The following SCUBE1 variants were observed in gnomAD, a reference collection of about 807,000 sequenced individuals.
The protein encoded by SCUBE1 is signal peptide, CUB and EGF-like domain-containing protein 1.
Under a neutral mutation model 124.4 loss-of-function variants are expected in SCUBE1, and 59 were observed. That is an observed-to-expected ratio of 0.47 (90% CI 0.38 to 0.59). The LOEUF (loss-of-function observed/expected upper bound fraction) is 0.59. SCUBE1 is among the 20% of genes least tolerant of loss of function. The probability of loss-of-function intolerance (pLI) is 0.00; values close to 1 mark genes in which losing one functional copy is unlikely to be tolerated. For synonymous variants in SCUBE1, 545 were observed against 550.9 expected, an observed-to-expected ratio of 0.99 and a Z score of 0.15; for missense variants, 1,150 against 1,371.2, an observed-to-expected ratio of 0.84 and a Z score of 2.55.
At chr22:43,244,559 G>A (rs769294329) in intron 6 of SCUBE1, among the ~76,000 whole-genome samples, 6 of 152,254 alleles carry the variant, frequency 3.9e-5, no homozygotes, top group Non-Finnish European at 7.3e-5. Flanking sequence ...ACTGAAGGGC[G>A]AATGTGCCCC....
chr22:43,301,583 GCT>G (rs1925773986), intron 3 of SCUBE1, among the ~76,000 whole-genome samples: 1 of 152,108 alleles, frequency 6.6e-6, no homozygotes, highest in Non-Finnish European at 1.5e-5. Flanking sequence ...TCCCAGAGAT[GCT>G]CTCTCTGACC....
At chr22:43,226,365 G>C (rs1922303584) in intron 10 of SCUBE1, among the ~76,000 whole-genome samples, 1 of 152,200 alleles carries the variant, frequency 6.6e-6, no homozygotes, top group Non-Finnish European at 1.5e-5. Context: ...CTCTGGGTGG[G>C]TGATGGGGCA....
intron 4 of SCUBE1, among the ~76,000 whole-genome samples, chr22:43,281,461 A>AGCCACCCTCCTGTCACCTCCCTTG (rs1924861050): frequency 4.3e-5 from 2 of 46,476 alleles, no homozygotes; most frequent in Non-Finnish European, 6.8e-5. Flanking sequence ...CATCTCCCTC[A>AGCCACCCTCCTGTCACCTCCCTTG]GCCACCCTCC....
chr22:43,274,578 C>T (rs376840106), intron 4 of SCUBE1, among the ~76,000 whole-genome samples: 2 of 152,176 alleles, frequency 1.3e-5, no homozygotes, highest in Admixed American at 6.5e-5. Context: ...AGATGGAGGG[C>T]GCCCAGGCAT....
chr22:43,339,667 ATTCTCCTC>A, intron 1 of SCUBE1, among the ~76,000 whole-genome samples: 1 of 27,434 alleles, frequency 3.6e-5, no homozygotes, highest in Non-Finnish European at 6.8e-5. Context: ...GCCCTCCCCC[ATTCTCCTC>A]ACTCTATCCC....
At chr22:43,261,467 G>C (rs1487401605) in intron 5 of SCUBE1, among the ~76,000 whole-genome samples, 1 of 152,224 alleles carries the variant, frequency 6.6e-6, no homozygotes, top group African/African-American at 2.4e-5. Flanking sequence ...GTACACGTGG[G>C]TCCCCAGGGC....
At chr22:43,235,987 C>A (rs1464387903) in intron 7 of SCUBE1, among the ~76,000 whole-genome samples, 1 of 152,180 alleles carries the variant, frequency 6.6e-6, no homozygotes, top group Non-Finnish European at 1.5e-5. Flanking sequence ...GCCCACGTGA[C>A]CCCCACCTGC....
intron 13 of SCUBE1, among the ~76,000 whole-genome samples, chr22:43,220,922 G>C (rs1331881481): frequency 6.6e-6 from 1 of 152,200 alleles, no homozygotes; most frequent in East Asian, 1.9e-4. Context: ...AGCTCTGTTA[G>C]GTTTGAGAAG....
chr22:43,270,703 G>A (rs1924260704), intron 4 of SCUBE1: 1 of 152,278 alleles, frequency 6.6e-6, no homozygotes, highest in African/African-American at 2.4e-5. Context: ...TCACTGAGTA[G>A]GACATGGGAG....
At chr22:43,243,116 G>C (rs554894070) in intron 6 of SCUBE1, among the ~76,000 whole-genome samples, 7 of 152,372 alleles carry the variant, frequency 4.6e-5, no homozygotes, top group African/African-American at 1.7e-4. Flanking sequence ...ACACACCCTA[G>C]AAGCTGGCCG....
chr22:43,295,662 C>T (rs1309726380), intron 3 of SCUBE1, among the ~76,000 whole-genome samples: 1 of 152,250 alleles, frequency 6.6e-6, no homozygotes, highest in Non-Finnish European at 1.5e-5. Context: ...CCATTCACCT[C>T]TGCCCGAGTG....
intron 3 of SCUBE1, among the ~76,000 whole-genome samples, chr22:43,293,905 C>T (rs1925464629): frequency 6.6e-6 from 1 of 152,226 alleles, no homozygotes; most frequent in Non-Finnish European, 1.5e-5. Flanking sequence ...CCATCTGCAG[C>T]CATCTGGCCT....
intron 8 of SCUBE1, 66 bp downstream of exon 8, chr22:43,231,687 C>A: frequency 6.6e-7 from 1 of 1,521,580 alleles, no homozygotes; most frequent in Non-Finnish European, 8.9e-7. Context: ...CCCGTGTCAG[C>A]CCAGGAGGGG....
In SCUBE1 at chr22:43,310,506, G is replaced by A. The variant is rs547407332; in HGVS notation, c.349+9431C>T. Among the ~76,000 whole-genome samples the A allele has an allele frequency of 3.3e-5, 5 of 152,300 alleles. No individual in the cohort carries two copies. In the East Asian group the frequency reaches 7.7e-4, roughly 24 times the overall value. ...ACAGCCAACCACCACCACCAGCTGTGAGCAAAGATGCTTCCAGATGATTCC... is the reference window on the plus strand; with the variant it reads ...ACAGCCAACCACCACCACCAGCTGTAAGCAAAGATGCTTCCAGATGATTCC... On this transcript the variant is annotated intron_variant, in intron 3 of 21. Coordinates refer to ENST00000360835, the MANE Select transcript of SCUBE1 (RefSeq NM_173050.5).
Position 43,255,632 on chromosome 22 carries a change from C to G in SCUBE1, c.727+2587G>C. On this transcript the variant is annotated intron_variant, in intron 6 of 21. Coordinates refer to ENST00000360835, the MANE Select transcript of SCUBE1 (RefSeq NM_173050.5). The surrounding 1 kb of genome is among the most constrained non-coding windows in gnomAD (Gnocchi z 4.7). ...GCCAGTGGTTAATGACAGCCCACTT[C>G]CCGCGGCCCAAGACAGTCAGCCTCT... 1 of 1,449,854 alleles carries G rather than the reference C, an allele frequency of 6.9e-7. No individual in the cohort carries two copies. The highest frequency in any genetic ancestry group is 9.5e-7 in the Non-Finnish European group (1 of 1,056,852). The allele number at this position is 1,449,854 out of a possible 1,614,324, so 89.8% of individuals were successfully genotyped here.
chr22:43,304,235 G>A (rs1018052086), intron 3 of SCUBE1, among the ~76,000 whole-genome samples: 6 of 152,210 alleles, frequency 3.9e-5, no homozygotes, highest in East Asian at 1.9e-4. Flanking sequence ...ATCTGCCACC[G>A]TCTTTTCTAT....
chr22:43,219,805 G>A (rs1569498691), intron 14 of SCUBE1, among the ~76,000 whole-genome samples: 1 of 151,962 alleles, frequency 6.6e-6, no homozygotes, highest in Admixed American at 6.6e-5. Context: ...CCCTCCCGTG[G>A]GGGGCAGACC....
At chr22:43,340,104 C>A (rs2146806710) in intron 1 of SCUBE1, among the ~76,000 whole-genome samples, 1 of 151,700 alleles carries the variant, frequency 6.6e-6, no homozygotes, top group Non-Finnish European at 1.5e-5. Flanking sequence ...GAGGCTCCTG[C>A]AGGTCACCTG....
chr22:43,301,883 C>G (rs1925785332), intron 3 of SCUBE1, among the ~76,000 whole-genome samples: 1 of 152,244 alleles, frequency 6.6e-6, no homozygotes, highest in Admixed American at 6.5e-5. Flanking sequence ...TCCACAGGCC[C>G]TGGCTAAAGG....
Sources: gnomAD v4.1 joint callset for allele counts (sites outside exome capture counted in the v4.1 genomes callset) on GRCh38, gnomAD v4.1.1 for gene constraint, Gnocchi (gnomAD v3.1) non-coding constraint, MANE v1.5 for transcripts, NCBI Gene and HGNC (gene_info 2026-07-23, HGNC 2026-07-21) for gene names.